The following DYNC1I1 variants were observed in gnomAD, a reference collection of about 807,000 sequenced individuals.
DYNC1I1 encodes the protein cytoplasmic dynein 1 intermediate chain 1.
Under a neutral mutation model 86.6 loss-of-function variants are expected in DYNC1I1, and 43 were observed. That is an observed-to-expected ratio of 0.50 (90% CI 0.39 to 0.64). The LOEUF (loss-of-function observed/expected upper bound fraction) is 0.64. Ranked by LOEUF, DYNC1I1 falls within the 30% of genes least tolerant of loss-of-function variation. DYNC1I1 has a pLI of 0.00. For synonymous variants in DYNC1I1, 262 were observed against 283.7 expected (o/e 0.92, Z 0.77); for missense variants, 604 against 788.8 (o/e 0.77, Z 2.81).
intron 6 of DYNC1I1, among the ~76,000 whole-genome samples, chr7:95,925,595 G>A (rs1791724778): frequency 6.6e-6 from 1 of 152,144 alleles, no homozygotes; most frequent in African/African-American, 2.4e-5. Context: ...CCCTTCTAAA[G>A]GTGGCATAAA....
At chr7:96,093,743 C>A in intron 16 of DYNC1I1, among the ~76,000 whole-genome samples, 1 of 151,758 alleles carries the variant, frequency 6.6e-6, no homozygotes. Context: ...TGACTTAGAA[C>A]AATGCTGGGA....
intron 6 of DYNC1I1, among the ~76,000 whole-genome samples, chr7:95,919,184 G>A (rs916806093): frequency 2.0e-5 from 3 of 151,990 alleles, no homozygotes; most frequent in Admixed American, 6.6e-5. Context: ...TAATTCTACT[G>A]AAATATCTGA....
intron 11 of DYNC1I1, 85 bp downstream of exon 11, chr7:96,028,406 C>A: frequency 6.7e-7 from 1 of 1,497,582 alleles, no homozygotes; most frequent in Non-Finnish European, 9.0e-7. Context: ...TGGATGTTTT[C>A]AGTAATGCCA....
At chr7:95,824,317 AT>A (rs1345148693) in intron 4 of DYNC1I1, among the ~76,000 whole-genome samples, 3 of 151,892 alleles carry the variant, frequency 2.0e-5, no homozygotes, top group African/African-American at 7.3e-5. Flanking sequence ...TTATCTCCTC[AT>A]AAGAGCTGTA....
intron 15 of DYNC1I1, among the ~76,000 whole-genome samples, chr7:96,079,852 C>T (rs895045426): frequency 6.6e-6 from 1 of 152,244 alleles, no homozygotes; most frequent in Middle Eastern, 3.4e-3. Flanking sequence ...TTCTGATCAT[C>T]TCCTCCCTGA....
intron 10 of DYNC1I1, among the ~76,000 whole-genome samples, chr7:96,002,005 A>G (rs1794023971): frequency 6.6e-6 from 1 of 152,222 alleles, no homozygotes; most frequent in South Asian, 2.1e-4. Flanking sequence ...TTTTCTTGCT[A>G]GGATATATTC....
At chr7:95,846,623 C>CTGTG (rs1314616292) in intron 5 of DYNC1I1, among the ~76,000 whole-genome samples, 6,541 of 120,500 alleles carry the variant, frequency 0.054, 211 homozygotes, top group East Asian at 0.086. Context: ...ATAAATCTCT[C>CTGTG]TCTCTGTGTG....
At chr7:95,967,725 C>T (rs1220977619) in intron 6 of DYNC1I1, among the ~76,000 whole-genome samples, 1 of 152,176 alleles carries the variant, frequency 6.6e-6, no homozygotes, top group Admixed American at 6.5e-5. Context: ...GTTTTGTTCA[C>T]TGCTGCATCT....
chr7:95,837,957 C>T (rs570304308), intron 5 of DYNC1I1, among the ~76,000 whole-genome samples: 1 of 152,324 alleles, frequency 6.6e-6, no homozygotes, highest in African/African-American at 2.4e-5. Context: ...GAACTGTAGA[C>T]CAGAGCTGTT....
chr7:95,799,272 G>A (rs1314089938), intron 1 of DYNC1I1, among the ~76,000 whole-genome samples: 1 of 152,088 alleles, frequency 6.6e-6, no homozygotes, highest in East Asian at 1.9e-4. Context: ...CCAGCTACTC[G>A]AGAGGCTGAG....
intron 10 of DYNC1I1, among the ~76,000 whole-genome samples, chr7:96,007,454 T>G (rs1245948344): frequency 6.6e-6 from 1 of 152,184 alleles, no homozygotes; most frequent in Non-Finnish European, 1.5e-5. Context: ...AATGGAAAAG[T>G]AAATAATATA....
At chr7:96,106,080 A>G (rs1046828388) in intron 16 of DYNC1I1, among the ~76,000 whole-genome samples, 7 of 152,168 alleles carry the variant, frequency 4.6e-5, no homozygotes, top group African/African-American at 1.7e-4. Context: ...TAATTTGTTC[A>G]AAGAACCAGC....
At chr7:95,869,088 A>T (rs1284931836) in intron 5 of DYNC1I1, among the ~76,000 whole-genome samples, 2 of 152,200 alleles carry the variant, frequency 1.3e-5, no homozygotes, top group East Asian at 3.8e-4. Context: ...ATACTTGGGC[A>T]CATCTCTTAA....
chr7:96,039,491 AC>A (rs1788971560), intron 14 of DYNC1I1, 70 bp downstream of exon 14: 1 of 1,599,984 alleles, frequency 6.3e-7, no homozygotes, highest in African/African-American at 1.3e-5. Context: ...TTCCCTGGAA[AC>A]AGTTGTCCCT....
chr7:95,814,027 G>A (rs893576161), intron 4 of DYNC1I1, among the ~76,000 whole-genome samples: 15 of 152,142 alleles, frequency 9.9e-5, no homozygotes, highest in Non-Finnish European at 1.6e-4. Context: ...AATGTAGATG[G>A]AGTCATGGTA....
At chr7:96,062,054 TGA>T (rs1305808821) in intron 14 of DYNC1I1, among the ~76,000 whole-genome samples, 1 of 152,198 alleles carries the variant, frequency 6.6e-6, no homozygotes, top group Non-Finnish European at 1.5e-5. Context: ...CAAGTGGACT[TGA>T]GAGAGAGGGT....
intron 10 of DYNC1I1, among the ~76,000 whole-genome samples, chr7:96,027,804 G>C (rs375043418): frequency 7.9e-5 from 12 of 152,242 alleles, no homozygotes; most frequent in Admixed American, 2.6e-4. Flanking sequence ...CTTAGTAAAG[G>C]CTTTAGTGGA....
intron 1 of DYNC1I1, among the ~76,000 whole-genome samples, chr7:95,800,453 T>C (rs1794550081): frequency 6.6e-6 from 1 of 152,076 alleles, no homozygotes. Context: ...GCAATGAAGC[T>C]GGGTGACAGT....
intron 5 of DYNC1I1, among the ~76,000 whole-genome samples, chr7:95,843,483 T>A (rs1281649509): frequency 6.6e-6 from 1 of 152,302 alleles, no homozygotes; most frequent in East Asian, 1.9e-4. Context: ...CCCTCCCTCA[T>A]GTATCACTGT....
Sources: allele counts gnomAD v4.1 joint callset (sites outside exome capture counted in the v4.1 genomes callset), GRCh38; gene constraint gnomAD v4.1.1; transcripts MANE v1.5; gene names NCBI Gene and HGNC (gene_info 2026-07-23, HGNC 2026-07-21).